PDP2: variants seen among roughly 807,000 people sequenced by gnomAD.
PDP2 encodes pyruvate dehydrogenase phosphatase catalytic subunit 2, also known as [Pyruvate dehydrogenase [acetyl-transferring]]-phosphatase 2, mitochondrial.
Under a neutral mutation model 34.2 loss-of-function variants are expected in PDP2, and 23 were observed. That is an observed-to-expected ratio of 0.67 (90% CI 0.48 to 0.95). The LOEUF is 0.95. Ranked by LOEUF, PDP2 falls within the 40% of genes least tolerant of loss-of-function variation. The pLI, the probability that PDP2 is intolerant of heterozygous loss-of-function variation, is 0.00. For missense variants in PDP2, 571 were observed against 659.6 expected (o/e 0.87, Z 1.47); for synonymous variants, 275 against 269.2 (o/e 1.02, Z -0.21).
At chr16:66,883,116 T>C (rs921819988) in intron 1 of PDP2, 3 of 152,208 alleles carry the variant, frequency 2.0e-5, no homozygotes, top group Non-Finnish European at 2.9e-5. Context: ...TGAGCCACTA[T>C]GCCCGAAGCA....
At position 66,888,475 on chromosome 16, in the gene PDP2, T is replaced by C. The variant is rs1195638541; in HGVS notation, c.*2601T>C. ...TCTGACGTTTACTTTTTGTTGTTTT[T>C]TGAGACAAGGTCTTGCTTTGTCGCC... On this transcript the variant is annotated 3_prime_UTR_variant, in exon 2 of 2. Transcript: ENST00000311765. 1 of 152,176 alleles carries C rather than the reference T, an allele frequency of 6.6e-6. No individual in the cohort carries two copies. The highest frequency in any genetic ancestry group is 1.5e-5 in the Non-Finnish European group (1 of 68,038). The allele number at this position is 152,176 out of a possible 1,614,324, so 9.4% of individuals were successfully genotyped here. A position where few individuals can be genotyped will look rare whatever the true frequency, so the allele number is the denominator to read the frequency against.
At chr16:66,884,122 A>G in intron 1 of PDP2, 109 bp from the exon 2 acceptor site, 1 of 560,706 alleles carries the variant, frequency 1.8e-6, no homozygotes, top group South Asian at 2.4e-5. Flanking sequence ...TGCAGTGAGC[A>G]GAGATCACAC....
At position 66,888,456 on chromosome 16, in the gene PDP2, G is replaced by A. The variant is rs1023463611; in HGVS notation, c.*2582G>A. 3 of 151,976 alleles carry A rather than the reference G, an allele frequency of 2.0e-5. No homozygotes were observed. Among genetic ancestry groups the A allele is most frequent in the African/African-American group, 4.8e-5 (2 of 41,358 alleles). The allele number at this position is 151,976 out of a possible 1,614,324, so 9.4% of individuals were successfully genotyped here. ...GCTAAAATTGAGGATTCTATCTGAC[G>A]TTTACTTTTTGTTGTTTTTTGAGAC... On this transcript the variant is annotated 3_prime_UTR_variant, in exon 2 of 2. Coordinates refer to ENST00000311765, the MANE Select transcript of PDP2 (RefSeq NM_020786.4).
chr16:66,883,414 G>A (rs1961600088), intron 1 of PDP2, among the ~76,000 whole-genome samples: 1 of 151,984 alleles, frequency 6.6e-6, no homozygotes, highest in Non-Finnish European at 1.5e-5. Context: ...TTACAGGCGT[G>A]AGCCACCGCG....
rs1265002933 is a variant in PDP2, at chr16:66,889,396, ATTGAAGTGAC to A, written c.*3524_*3533del. The A allele has an allele frequency of 6.6e-6, 1 of 151,986 alleles. No individual in the cohort carries two copies. Among genetic ancestry groups the A allele is most frequent in the Non-Finnish European group, 1.5e-5 (1 of 67,978 alleles). The allele number at this position is 151,986 out of a possible 1,614,324, so 9.4% of individuals were successfully genotyped here. ...GCTCACTGCAACGTCTGCCTCCCAG[ATTGAAGTGAC>A]TCTCGTGCCTCTGCCACAGAGTAGC... On this transcript the variant is annotated 3_prime_UTR_variant, in exon 2 of 2. Coordinates refer to ENST00000311765, the MANE Select transcript of PDP2 (RefSeq NM_020786.4).
rs1205040310 is a variant in PDP2, at chr16:66,889,485, G to C, written c.*3611G>C. 6.6e-6 allele frequency: 1 copy of C among 151,962 alleles called. No individual in the cohort carries two copies. Among genetic ancestry groups the C allele is most frequent in the African/African-American group, 2.4e-5 (1 of 41,372 alleles). 9.4% of individuals were successfully genotyped at this position (151,962 alleles called of 1,614,324 possible). ...CCGCTAATTTTTTGTATTTTTAGTAGAGACAGAGTTTCACCATGTTGGCCA... is the reference window on the plus strand; with the variant it reads ...CCGCTAATTTTTTGTATTTTTAGTACAGACAGAGTTTCACCATGTTGGCCA... On this transcript the variant is annotated 3_prime_UTR_variant, in exon 2 of 2. Transcript: ENST00000311765.
rs1961682639 is a variant in PDP2, at chr16:66,884,915, G to A, written c.631G>A (p.Val211Ile). 6.2e-7 allele frequency: 1 copy of A among 1,614,008 alleles called. No homozygotes were observed. Among genetic ancestry groups the A allele is most frequent in the South Asian group, 1.1e-5 (1 of 91,092 alleles). Residue 211 changes from valine to isoleucine, a missense_variant, in exon 2 of 2, where the codon GTC becomes ATC. Transcript: ENST00000311765. ...VTSVHLDHLRVYWQELLDLHM... is the reference protein window; with the variant it reads ...VTSVHLDHLRIYWQELLDLHM... ...ATCTGTGCATCTTGACCACCTCCGT[G>A]TCTATTGGCAGGAACTGCTTGATTT...
Position 66,888,419 on chromosome 16 carries a change from T to A in PDP2, c.*2545T>A, listed in dbSNP as rs1210987653. 6.6e-6 allele frequency: 1 copy of A among 152,122 alleles called. No individual in the cohort carries two copies. Among genetic ancestry groups the A allele is most frequent in the African/African-American group, 2.4e-5 (1 of 41,436 alleles). 9.4% of individuals were successfully genotyped at this position (152,122 alleles called of 1,614,324 possible). On this transcript the variant is annotated 3_prime_UTR_variant, in exon 2 of 2. Transcript: ENST00000311765. Reference sequence around the variant, plus strand: ...GTAAATCACTTCCATTCTGCTAGCATGAGGGTTTGTTGCTAAAATTGAGGA... The same window carrying A: ...GTAAATCACTTCCATTCTGCTAGCAAGAGGGTTTGTTGCTAAAATTGAGGA...
In PDP2 at chr16:66,885,523, C is replaced by T. The variant is rs1276170815; in HGVS notation, c.1239C>T (p.Gly413=). The change falls in exon 2 of 2, where the codon GGC becomes GGT. Residue 413 remains glycine (G), a synonymous_variant. Transcript: ENST00000311765. The surrounding 1 kb of genome is among the most constrained non-coding windows in gnomAD (Gnocchi z 4.6). The stretch of plus-strand genomic sequence containing the variant: ...AGTTCCTTGTGCTGGCCTCAGATGG[C>T]CTGTGGGACATGCTGAGCAATGAGG... ...QDKFLVLASD[G]LWDMLSNEDV... 6.2e-7 allele frequency: 1 copy of T among 1,614,066 alleles called. No individual in the cohort carries two copies. Among genetic ancestry groups the T allele is most frequent in the Admixed American group, 1.7e-5 (1 of 60,022 alleles).
rs1383595991 is a variant in PDP2 at position 66,891,027 on chromosome 16, C to T, written c.*5153C>T. ...GACATTTGTATTTTAAGCTGTATAC[C>T]AATGTTCGTATTTGACATTGATTTT... On this transcript the variant is annotated 3_prime_UTR_variant, in exon 2 of 2. Coordinates refer to ENST00000311765, the MANE Select transcript of PDP2 (RefSeq NM_020786.4). The T allele has an allele frequency of 6.6e-6, 1 of 152,070 alleles. No homozygotes were observed. Among genetic ancestry groups the T allele is most frequent in the African/African-American group, 2.4e-5 (1 of 41,406 alleles). 9.4% of individuals were successfully genotyped at this position (152,070 alleles called of 1,614,324 possible). A position where few individuals can be genotyped will look rare whatever the true frequency, so the allele number is the denominator to read the frequency against.
rs749648745 is a variant in PDP2 at position 66,884,480 on chromosome 16, ACAT to A, written c.199_201del (p.Ser67del). ...TACTCTGTGCAAAGCCTACAGACAC[ACAT>A]CAACAGAGGAAGATGATTTTCACTT... On this transcript the variant is annotated inframe_deletion, in exon 2 of 2. Coordinates refer to ENST00000311765, the MANE Select transcript of PDP2 (RefSeq NM_020786.4). The A allele has an allele frequency of 1.3e-5, 21 of 1,614,090 alleles. No individual in the cohort carries two copies. The highest frequency in any genetic ancestry group is 1.7e-5 in the Non-Finnish European group (20 of 1,180,038).
rs748790237 is a variant in PDP2, at chr16:66,885,526, G to C, written c.1242G>C (p.Leu414=). The change falls in exon 2 of 2, where the codon CTG becomes CTC. Residue 414 remains leucine (L), a synonymous_variant. Coordinates refer to ENST00000311765, the MANE Select transcript of PDP2 (RefSeq NM_020786.4). This position sits in a 1 kb window ranked among gnomAD's most constrained non-coding sequence, Gnocchi z 4.6. ...TCCTTGTGCTGGCCTCAGATGGCCT[G>C]TGGGACATGCTGAGCAATGAGGACG... The part of the protein sequence containing the change: ...DKFLVLASDG[L]WDMLSNEDVV... 2.5e-6 allele frequency: 4 copies of C among 1,614,126 alleles called. No individual in the cohort carries two copies. The South Asian group carries it at 4.4e-5, about 18-fold the overall frequency.
rs1434724443 is a variant in PDP2 at position 66,889,291 on chromosome 16, T to C, written c.*3417T>C. 6.6e-6 allele frequency: 1 copy of C among 152,212 alleles called. No homozygotes were observed. Among genetic ancestry groups the C allele is most frequent in the Non-Finnish European group, 1.5e-5 (1 of 68,040 alleles). 9.4% of individuals were successfully genotyped at this position (152,212 alleles called of 1,614,324 possible). ...GTAAGAAACTTTGATAATATTGGCA[T>C]AATTTAGATTTATTTTCTTTCTTTT... On this transcript the variant is annotated 3_prime_UTR_variant, in exon 2 of 2. Transcript: ENST00000311765.
chr16:66,888,655 T>C lies in PDP2; in HGVS notation c.*2781T>C, dbSNP rs1171075909. ...ACTTTTTTTGGTGAAAACATGATCT[T>C]GCTATGTTGCTCAGGCTGGTTGTCT... On this transcript the variant is annotated 3_prime_UTR_variant, in exon 2 of 2. Coordinates refer to ENST00000311765, the MANE Select transcript of PDP2 (RefSeq NM_020786.4). The C allele has an allele frequency of 6.6e-6, 1 of 152,222 alleles. No homozygotes were observed. Among genetic ancestry groups the C allele is most frequent in the Non-Finnish European group, 1.5e-5 (1 of 68,042 alleles). The allele number at this position is 152,222 out of a possible 1,614,324, so 9.4% of individuals were successfully genotyped here.
rs1961729139 is a variant in PDP2, at chr16:66,885,638, C to T, written c.1354C>T (p.Gln452Ter). Residue 452 changes from glutamine (Q) to a stop codon, truncating the protein, a stop_gained, in exon 2 of 2, where the codon CAG (glutamine) becomes TAG (stop). Transcript: ENST00000311765. LOFTEE classifies it high-confidence loss of function. The surrounding 1 kb of genome is among the most constrained non-coding windows in gnomAD (Gnocchi z 4.6). ...AQRPANLGLM[Q>*]SLLLQRKASG... ...GAGACCCGCCAACTTGGGGCTCATG[C>T]AGAGCCTGCTGCTGCAGAGGAAAGC... is the stretch of plus-strand genomic sequence containing the variant. 1 of 1,613,934 alleles carries T rather than the reference C, an allele frequency of 6.2e-7. No individual in the cohort carries two copies. The highest frequency in any genetic ancestry group is 1.7e-5 in the Admixed American group (1 of 60,000).
intron 1 of PDP2, among the ~76,000 whole-genome samples, chr16:66,881,284 C>CT (rs983419768): frequency 9.2e-5 from 14 of 152,070 alleles, no homozygotes; most frequent in African/African-American, 3.4e-4. Context: ...GCGGGGTGGG[C>CT]TGGCAGGGGG....
rs1411573174 is a variant in PDP2 at position 66,890,660 on chromosome 16, G to C, written c.*4786G>C. 1 of 152,142 alleles carries C rather than the reference G, an allele frequency of 6.6e-6. No homozygotes were observed. The highest frequency in any genetic ancestry group is 1.5e-5 in the Non-Finnish European group (1 of 68,042). 9.4% of individuals were successfully genotyped at this position (152,142 alleles called of 1,614,324 possible). ...CCTAGTAGCCTATCTTCAGCCTTTG[G>C]GAAGTCTTAACTTCCCAGGTTAAAC... is the stretch of plus-strand genomic sequence containing the variant. On this transcript the variant is annotated 3_prime_UTR_variant, in exon 2 of 2. Coordinates refer to ENST00000311765, the MANE Select transcript of PDP2 (RefSeq NM_020786.4).
chr16:66,884,385 G>T lies in PDP2; in HGVS notation c.101G>T (p.Arg34Met), dbSNP rs766842572. Residue 34 changes from arginine (R) to methionine (M), a missense_variant, in exon 2 of 2, where the codon AGG (arginine) becomes ATG (methionine). Around this residue, in one of 2 missense-constraint regions of PDP2, gnomAD observed 290 missense variants for 283.8 expected, o/e 1.02. Coordinates refer to ENST00000311765, the MANE Select transcript of PDP2 (RefSeq NM_020786.4). ...TTATACTCCAGGTATGTCTCAAATA[G>T]GAATAAATTAAAATGGAGGCTCTTT... ...RRLYSRYVSN[R>M]NKLKWRLFSR... 2.7e-5 allele frequency: 44 copies of T among 1,614,054 alleles called. No individual in the cohort carries two copies. In the East Asian group the frequency reaches 9.6e-4, roughly 35 times the overall value.
rs1330864988 is a variant in PDP2, at chr16:66,885,123, A to C, written c.839A>C (p.His280Pro). ...CMAHVDGIHL[H>P]VANAGDCRAI... ...GCCCATGTTGATGGAATTCACTTGC[A>C]CGTGGCAAATGCTGGTGACTGCCGA... The change falls in exon 2 of 2, where the codon CAC (histidine) becomes CCC (proline). Residue 280 changes from histidine to proline, a missense_variant. Physicochemically the swap from His to Pro is moderately conservative, Grantham distance 77 (BLOSUM62 -2). Coordinates refer to ENST00000311765, the MANE Select transcript of PDP2 (RefSeq NM_020786.4). The surrounding 1 kb of genome is among the most constrained non-coding windows in gnomAD (Gnocchi z 4.6). 7.4e-6 allele frequency: 12 copies of C among 1,613,898 alleles called. No individual in the cohort carries two copies. The highest frequency in any genetic ancestry group is 9.3e-6 in the Non-Finnish European group (11 of 1,180,048).
Sources: allele counts gnomAD v4.1 joint callset (sites outside exome capture counted in the v4.1 genomes callset), GRCh38; gene constraint gnomAD v4.1.1; regional missense constraint gnomAD v4.1.1; non-coding constraint Gnocchi (gnomAD v3.1); transcripts MANE v1.5; gene names NCBI Gene and HGNC (gene_info 2026-07-23, HGNC 2026-07-21).